Variants in ACACB observed in about 807,000 individuals in gnomAD.
ACACB encodes the protein acetyl-CoA carboxylase beta.
In ACACB, 209 loss-of-function variants were observed where a neutral mutation model predicts 278.8. The ratio of observed to expected loss-of-function variants is 0.75; its 90% CI spans 0.67 to 0.84. The LOEUF is 0.84. ACACB is among the 40% of genes least tolerant of loss of function. ACACB has a pLI of 0.00. For missense variants in ACACB, 2,850 were observed against 3,269.0 expected (o/e 0.87, Z 3.13); for synonymous variants, 1,174 against 1,285.6 (o/e 0.91, Z 1.86).
chr12:109,167,995 G>T lies in ACACB; in HGVS notation c.886G>T (p.Val296Phe). 6.2e-7 allele frequency: 1 copy of T among 1,613,782 alleles called. No individual in the cohort carries two copies. Among genetic ancestry groups the T allele is most frequent in the Non-Finnish European group, 8.5e-7 (1 of 1,179,864 alleles). The change falls in exon 4 of 53, where the codon GTT becomes TTT. Residue 296 changes from valine (V) to phenylalanine (F), a missense_variant. By Grantham distance (50) the Val-to-Phe change is conservative. This residue lies in a region of ACACB where 2,265 missense variants were observed against 2,561.3 expected (regional missense o/e 0.88). Coordinates refer to ENST00000338432, the MANE Select transcript of ACACB (RefSeq NM_001093.4). ...MFRNERAIRF[V>F]VMVTPEDLKA... ...CCGCAACGAGCGGGCCATCCGGTTT[G>T]TTGTGATGGTGACCCCCGAGGACCT... is the stretch of plus-strand genomic sequence containing the variant.
chr12:109,114,856 TAAAAC>T (rs894721682), upstream of ACACB, among the ~76,000 whole-genome samples: 4 of 152,024 alleles, frequency 2.6e-5, no homozygotes, highest in Admixed American at 1.3e-4. Flanking sequence ...ATCCTATTTC[TAAAAC>T]AAAACAAAAC....
chr12:109,152,178 A>T (rs913513985), intron 2 of ACACB, among the ~76,000 whole-genome samples: 1 of 152,210 alleles, frequency 6.6e-6, no homozygotes, highest in Non-Finnish European at 1.5e-5. Context: ...AGAGAATAAA[A>T]ATCTAGAGCA....
At chr12:109,141,631 T>C (rs2043128631) in intron 2 of ACACB, among the ~76,000 whole-genome samples, 1 of 152,216 alleles carries the variant, frequency 6.6e-6, no homozygotes, top group African/African-American at 2.4e-5. Flanking sequence ...TCTCCCAAAT[T>C]AGAAAAATCT....
rs576207922 is a variant in ACACB at position 109,240,112 on chromosome 12, C to A, written c.4818+127C>A. 6 of 1,142,774 alleles carry A rather than the reference C, an allele frequency of 5.3e-6. No homozygotes were observed. The East Asian group carries it at 1.6e-4, about 30-fold the overall frequency. 70.8% of individuals were successfully genotyped at this position (1,142,774 alleles called of 1,614,324 possible). The stretch of plus-strand genomic sequence containing the variant: ...GATGAAACCATGCGTATCTGAGCCT[C>A]AGTTGCTGCGGGAGGAGAGCAAACC... On this transcript the variant is annotated intron_variant, in intron 35 of 52. Transcript: ENST00000338432.
chr12:109,212,706 G>A (rs2045884574), intron 21 of ACACB, 130 bp from the exon 22 acceptor site: 1 of 712,938 alleles, frequency 1.4e-6, no homozygotes, highest in East Asian at 2.6e-5. Context: ...ACCTCCCACT[G>A]TTCAGCCAGT....
chr12:109,241,246 C>T lies in ACACB; in HGVS notation c.4987C>T (p.Leu1663Phe). The change falls in exon 36 of 53, where the codon CTC (leucine) becomes TTC (phenylalanine). Residue 1663 changes from leucine to phenylalanine, a missense_variant. Around this residue, in one of 3 missense-constraint regions of ACACB, gnomAD observed 2,265 missense variants for 2,561.3 expected, o/e 0.88. Coordinates refer to ENST00000338432, the MANE Select transcript of ACACB (RefSeq NM_001093.4). ...GTCGGGCTACTACCTGGACATCAGC[C>T]TCTACAAAGAAGTGACTGACTCCAG... is the stretch of plus-strand genomic sequence containing the variant. ...NESGYYLDIS[L>F]YKEVTDSRSG... 14 of 1,614,212 alleles carry T rather than the reference C, an allele frequency of 8.7e-6. No individual in the cohort carries two copies. The highest frequency in any genetic ancestry group is 1.2e-5 in the Non-Finnish European group (14 of 1,180,046).
chr12:109,143,485 TG>T (rs2136042740), intron 2 of ACACB, among the ~76,000 whole-genome samples: 1 of 85,508 alleles, frequency 1.2e-5, no homozygotes, highest in Non-Finnish European at 2.7e-5. Flanking sequence ...AAAAAAAAAA[TG>T]AATGAGGAGG....
intron 33 of ACACB, among the ~76,000 whole-genome samples, chr12:109,236,845 A>G (rs1004098352): frequency 6.6e-6 from 1 of 150,954 alleles, no homozygotes. Flanking sequence ...GAGAATTGCC[A>G]CAGGCTGTGA....
intron 7 of ACACB, among the ~76,000 whole-genome samples, chr12:109,174,593 G>T (rs144024630): frequency 6.7e-6 from 1 of 150,246 alleles, no homozygotes; most frequent in Non-Finnish European, 1.5e-5. Flanking sequence ...GCTCATGTCT[G>T]TAACCCAACC....
At chr12:109,129,333 C>T (rs920722660) in intron 1 of ACACB, among the ~76,000 whole-genome samples, 1 of 152,082 alleles carries the variant, frequency 6.6e-6, no homozygotes, top group Non-Finnish European at 1.5e-5. Context: ...TCGGTTTTCT[C>T]GCCTGTGAAA....
intron 6 of ACACB, among the ~76,000 whole-genome samples, chr12:109,173,099 T>C (rs999084145): frequency 2.0e-5 from 3 of 152,114 alleles, no homozygotes; most frequent in African/African-American, 7.2e-5. Flanking sequence ...TTCTCACTTA[T>C]AAGTGGGAGC....
chr12:109,115,939 C>T (rs1233079886), upstream of ACACB, among the ~76,000 whole-genome samples: 1 of 152,230 alleles, frequency 6.6e-6, no homozygotes, highest in African/African-American at 2.4e-5. Flanking sequence ...TTCCTGCTGC[C>T]TAGTTGGCTG....
rs934187721 is a variant in ACACB, at chr12:109,237,321, G to A, written c.4603G>A (p.Val1535Met). The A allele has an allele frequency of 1.9e-6, 3 of 1,614,086 alleles. No individual in the cohort carries two copies. In the East Asian group the frequency reaches 6.7e-5, roughly 36 times the overall value. Residue 1535 changes from valine (V) to methionine (M), a missense_variant, in exon 34 of 53, where the codon GTG (valine) becomes ATG (methionine). Transcript: ENST00000338432. ...TGCCAAGGTGAAGGAAGGTGTGGAA[G>A]TGACGGACCATAGGTTCTTCATCCG... is the stretch of plus-strand genomic sequence containing the variant. Reference protein sequence around the residue: ...GAAKVKEGVEVTDHRFFIRAI... With the variant: ...GAAKVKEGVEMTDHRFFIRAI...
intron 1 of ACACB, among the ~76,000 whole-genome samples, chr12:109,129,696 A>G (rs1388862506): frequency 1.3e-5 from 2 of 152,236 alleles, no homozygotes; most frequent in South Asian, 2.1e-4. Flanking sequence ...CCTGCAGGGC[A>G]CCATCCCCTC....
chr12:109,254,426 A>C (rs1444207925), intron 44 of ACACB, 92 bp downstream of exon 44: 22 of 1,299,752 alleles, frequency 1.7e-5, no homozygotes, highest in Non-Finnish European at 2.3e-5. Flanking sequence ...CGCTTGAGAC[A>C]AAGGCTTGAT....
chr12:109,242,779 G>T, intron 37 of ACACB, 187 bp downstream of exon 37: 1 of 633,178 alleles, frequency 1.6e-6, no homozygotes, highest in South Asian at 2.4e-5. Context: ...CTTGAGCCCA[G>T]GAGTTGAAGA....
At position 109,210,081 on chromosome 12, in the gene ACACB, GTATA is replaced by G. The variant is rs1198041890; in HGVS notation, c.3249+733_3249+736del. ...CACGTGTGTATATATGTGTATATATGTATATATACACACATGTGTGTGTATATGT... is the reference window on the plus strand; with the variant it reads ...CACGTGTGTATATATGTGTATATATGTATACACACATGTGTGTGTATATGT... On this transcript the variant is annotated intron_variant, in intron 21 of 52. Coordinates refer to ENST00000338432, the MANE Select transcript of ACACB (RefSeq NM_001093.4). Among the ~76,000 whole-genome samples, 25 of 119,394 alleles carry G rather than the reference GTATA, an allele frequency of 2.1e-4. 3 individuals are homozygous for G. In the South Asian group the frequency reaches 5.5e-3, roughly 26 times the overall value. 78.3% of individuals were successfully genotyped at this position (119,394 alleles called of 152,430 possible).
In ACACB at chr12:109,237,381, G is replaced by A. The variant is rs1296669485; in HGVS notation, c.4662+1G>A. 6.2e-6 allele frequency: 10 copies of A among 1,612,734 alleles called. No individual in the cohort carries two copies. Among genetic ancestry groups the A allele is most frequent in the Non-Finnish European group, 8.5e-6 (10 of 1,179,276 alleles). On this transcript the variant is annotated splice_donor_variant, in intron 34 of 52. Coordinates refer to ENST00000338432, the MANE Select transcript of ACACB (RefSeq NM_001093.4). LOFTEE classifies it high-confidence loss of function. ...CAGGCACTCTGACCTGATCACAAAG[G>A]TAAGATGTCGCAGAGCATTTCTTCC... is the stretch of plus-strand genomic sequence containing the variant.
At position 109,235,662 on chromosome 12, in the gene ACACB, A is replaced by G; in HGVS notation, c.4446+15A>G. 6.2e-7 allele frequency: 1 copy of G among 1,605,370 alleles called. No individual in the cohort carries two copies. The highest frequency in any genetic ancestry group is 8.5e-7 in the Non-Finnish European group (1 of 1,173,012). On this transcript the variant is annotated intron_variant, in intron 33 of 52. Transcript: ENST00000338432. ...CAAGAGATGAGGTATGGCCAAAAGTAATGATGTTTTCTCTTCTCTAGCATC... is the reference window on the plus strand; with the variant it reads ...CAAGAGATGAGGTATGGCCAAAAGTGATGATGTTTTCTCTTCTCTAGCATC...
Sources: gnomAD v4.1 joint callset for allele counts (sites outside exome capture counted in the v4.1 genomes callset) on GRCh38, gnomAD v4.1.1 for gene constraint, gnomAD v4.1.1 regional missense constraint, MANE v1.5 for transcripts, NCBI Gene and HGNC (gene_info 2026-07-23, HGNC 2026-07-21) for gene names.